DOCK1: variants seen among roughly 807,000 people sequenced by gnomAD.
DOCK1 encodes dedicator of cytokinesis protein 1.
A neutral mutation model predicts 262.7 loss-of-function variants in DOCK1; 138 were observed. The ratio of observed to expected loss-of-function variants is 0.53; its 90% CI spans 0.46 to 0.61. The LOEUF (loss-of-function observed/expected upper bound fraction) is 0.61, where lower values mean the gene tolerates loss of function less well. Ranked by LOEUF, DOCK1 falls within the 20% of genes least tolerant of loss-of-function variation. The pLI, the probability that DOCK1 is intolerant of heterozygous loss-of-function variation, is 0.00. For missense variants in DOCK1, 1,908 were observed against 2,370.7 expected, an observed-to-expected ratio of 0.80 and a Z score of 4.05; for synonymous variants, 866 against 867.4, an observed-to-expected ratio of 1.00 and a Z score of 0.03.
chr10:126,931,365 G>A (rs982621184), intron 1 of DOCK1, among the ~76,000 whole-genome samples: 7 of 152,224 alleles, frequency 4.6e-5, no homozygotes, highest in Non-Finnish European at 7.3e-5. Context: ...GAGGGGTGAA[G>A]ACACCAGGAT....
At chr10:126,938,045 C>T (rs1471513771) in intron 1 of DOCK1, among the ~76,000 whole-genome samples, 1 of 143,732 alleles carries the variant, frequency 7.0e-6, no homozygotes, top group Non-Finnish European at 1.5e-5. Flanking sequence ...AGTCCAGCTT[C>T]ATCTTTTTTT....
At chr10:127,172,315 G>C (rs575616078) in intron 27 of DOCK1, among the ~76,000 whole-genome samples, 1 of 152,216 alleles carries the variant, frequency 6.6e-6, no homozygotes, top group African/African-American at 2.4e-5. Flanking sequence ...TTACACCATG[G>C]AAATCAGCAG....
At chr10:127,127,148 G>A (rs925491159) in intron 26 of DOCK1, among the ~76,000 whole-genome samples, 1 of 152,184 alleles carries the variant, frequency 6.6e-6, no homozygotes, top group East Asian at 1.9e-4. Context: ...CATAGTTCAC[G>A]AAGAAGAATC....
intron 29 of DOCK1, among the ~76,000 whole-genome samples, chr10:127,266,941 G>A (rs1317289800): frequency 6.6e-6 from 1 of 152,152 alleles, no homozygotes; most frequent in African/African-American, 2.4e-5. Context: ...CTGTACCTGA[G>A]TGCATTTCTG....
chr10:127,123,779 A>G (rs987386611), intron 25 of DOCK1, among the ~76,000 whole-genome samples: 4 of 152,072 alleles, frequency 2.6e-5, no homozygotes, highest in African/African-American at 9.7e-5. Flanking sequence ...CCATCTTGGC[A>G]CTGTGCTCTC....
At chr10:127,277,100 G>C (rs2489405) in intron 29 of DOCK1, among the ~76,000 whole-genome samples, 148,833 of 152,306 alleles carry the variant, frequency 0.98, 72,827 homozygotes, top group Middle Eastern at 1. Context: ...GAACTGAGCT[G>C]AACTGGTAAA....
intron 29 of DOCK1, among the ~76,000 whole-genome samples, chr10:127,271,414 G>A (rs1047129905): frequency 1.3e-5 from 2 of 152,164 alleles, no homozygotes; most frequent in Non-Finnish European, 2.9e-5. Context: ...AAGAAAGCCT[G>A]ACTGTGATAT....
chr10:127,087,500 G>A (rs760061127), intron 23 of DOCK1, among the ~76,000 whole-genome samples: 8 of 152,034 alleles, frequency 5.3e-5, no homozygotes, highest in South Asian at 4.1e-4. Flanking sequence ...GTTGGTCCCC[G>A]GAGCCTTTAG....
In DOCK1 at chr10:127,285,449, G is replaced by A. The variant is rs187736611; in HGVS notation, c.3044+28020G>A. On this transcript the variant is annotated intron_variant, in intron 29 of 51. Coordinates refer to ENST00000623213, the MANE Select transcript of DOCK1 (RefSeq NM_001290223.2). ...GGCTCATCCTCCATAAATGGCCATCGCTGACTGTTTCATGTAGAACTTTCT... is the reference window on the plus strand; with the variant it reads ...GGCTCATCCTCCATAAATGGCCATCACTGACTGTTTCATGTAGAACTTTCT... 6.6e-5 allele frequency among the ~76,000 whole-genome samples: 10 copies of A among 152,288 alleles called. 1 individual carries two copies. In the East Asian group the frequency reaches 9.7e-4, roughly 15 times the overall value.
intron 27 of DOCK1, among the ~76,000 whole-genome samples, chr10:127,158,682 T>C (rs1190901143): frequency 6.6e-6 from 1 of 152,202 alleles, no homozygotes; most frequent in African/African-American, 2.4e-5. Context: ...CAGGTATAAA[T>C]TGTGAAAAGT....
intron 29 of DOCK1, among the ~76,000 whole-genome samples, chr10:127,316,165 GT>G (rs1380789306): frequency 2.6e-5 from 4 of 152,038 alleles, no homozygotes; most frequent in African/African-American, 9.7e-5. Context: ...ATTTTTTGTG[GT>G]CAGAGCACCT....
chr10:127,335,336 G>C (rs529234672), intron 29 of DOCK1, among the ~76,000 whole-genome samples: 1 of 152,176 alleles, frequency 6.6e-6, no homozygotes, highest in Non-Finnish European at 1.5e-5. Flanking sequence ...CGAATTGCCT[G>C]CTGGGCAAAG....
chr10:127,406,415 A>G (rs75022558), intron 40 of DOCK1, among the ~76,000 whole-genome samples: 144 of 152,294 alleles, frequency 9.5e-4, no homozygotes, highest in African/African-American at 3.4e-3. Flanking sequence ...ATGGAGGTTA[A>G]CAGGCTCGAT....
Position 127,330,618 on chromosome 10 carries a change from T to G in DOCK1, c.3045-8388T>G, listed in dbSNP as rs1391557885. On this transcript the variant is annotated intron_variant, in intron 29 of 51. Coordinates refer to ENST00000623213, the MANE Select transcript of DOCK1 (RefSeq NM_001290223.2). ...TGAAGAATCATAAGGTACATAAATT[T>G]GGAAAGCAGAGCTTTATTTCTCATA... Among the ~76,000 whole-genome samples, 9 of 152,282 alleles carry G rather than the reference T, an allele frequency of 5.9e-5. No homozygotes were observed. In the East Asian group the frequency reaches 1.7e-3, roughly 29 times the overall value.
intron 27 of DOCK1, among the ~76,000 whole-genome samples, chr10:127,167,576 A>G (rs552549950): frequency 1.3e-4 from 20 of 152,276 alleles, no homozygotes; most frequent in Non-Finnish European, 2.5e-4. Flanking sequence ...ACATCTCTAT[A>G]GAATATGTTC....
intron 23 of DOCK1, among the ~76,000 whole-genome samples, chr10:127,071,336 G>A (rs1056540226): frequency 6.6e-6 from 1 of 152,142 alleles, no homozygotes; most frequent in Non-Finnish European, 1.5e-5. Context: ...AATCAGGAGA[G>A]GTCTGGATAA....
intron 47 of DOCK1, among the ~76,000 whole-genome samples, chr10:127,427,247 G>A (rs1302693924): frequency 2.0e-5 from 3 of 152,314 alleles, no homozygotes; most frequent in Non-Finnish European, 4.4e-5. Flanking sequence ...GTGGGAAGTC[G>A]CGCTGCTTCT....
intron 23 of DOCK1, among the ~76,000 whole-genome samples, chr10:127,084,035 A>G (rs1329533939): frequency 6.6e-6 from 1 of 152,190 alleles, no homozygotes; most frequent in Non-Finnish European, 1.5e-5. Flanking sequence ...TCTAAATCCC[A>G]TTATTTAATA....
chr10:127,392,167 A>G (rs987474755), intron 38 of DOCK1, among the ~76,000 whole-genome samples: 2 of 151,788 alleles, frequency 1.3e-5, no homozygotes, highest in Admixed American at 6.6e-5. Context: ...CCTTCTGGGC[A>G]TATTTCACTG....
Sources: allele counts gnomAD v4.1 joint callset (sites outside exome capture counted in the v4.1 genomes callset), GRCh38; gene constraint gnomAD v4.1.1; transcripts MANE v1.5; gene names NCBI Gene and HGNC (gene_info 2026-07-23, HGNC 2026-07-21).